Variants in MDH2 observed in about 807,000 individuals in gnomAD.
MDH2 encodes malate dehydrogenase, mitochondrial.
A neutral mutation model predicts 33.6 loss-of-function variants in MDH2; 25 were observed. The observed-to-expected ratio is 0.74, with a 90% confidence interval of 0.54 to 1.04. The LOEUF (loss-of-function observed/expected upper bound fraction) is 1.04. MDH2 is among the 50% of genes least tolerant of loss of function. The pLI is 0.00. For missense variants in MDH2, 432 were observed against 445.0 expected (o/e 0.97, Z 0.26); for synonymous variants, 193 against 188.7 (o/e 1.02, Z -0.19).
chr7:76,048,139 C>T lies in MDH2; in HGVS notation c.-22C>T, dbSNP rs377064742. ...GTCACCAGCTCCTGTGCCTGCCAGT[C>T]GGTGCCCCTCCCGCTCCAGCCATGC... On this transcript the variant is annotated 5_prime_UTR_variant, in exon 1 of 9. Transcript: ENST00000315758. 2.0e-6 allele frequency: 3 copies of T among 1,536,440 alleles called. No homozygotes were observed. Among genetic ancestry groups the T allele is most frequent in the Admixed American group, 2.0e-5 (1 of 51,076 alleles).
chr7:76,057,435 T>C lies in MDH2; in HGVS notation c.261T>C (p.Pro87=), dbSNP rs782091400. 5 of 1,614,194 alleles carry C rather than the reference T, an allele frequency of 3.1e-6. No homozygotes were observed. In the South Asian group the frequency reaches 4.4e-5, roughly 14 times the overall value. The change falls in exon 3 of 9, where the codon CCT becomes CCC. Residue 87 remains proline (P), a synonymous_variant. Transcript: ENST00000315758. The part of the protein sequence containing the change: ...VKGYLGPEQL[P]DCLKGCDVVV... ...GCTACCTCGGACCTGAACAGCTGCCTGACTGCCTGAAAGGTTGTGATGTGG... is the reference window on the plus strand; with the variant it reads ...GCTACCTCGGACCTGAACAGCTGCCCGACTGCCTGAAAGGTTGTGATGTGG...
chr7:76,058,202 T>C, intron 4 of MDH2, 124 bp downstream of exon 4: 1 of 854,070 alleles, frequency 1.2e-6, no homozygotes, highest in Non-Finnish European at 1.8e-6. Context: ...GATACACAGA[T>C]GAAGGGGCTG....
chr7:76,058,291 G>A (rs970907621), intron 4 of MDH2: 5 of 551,534 alleles, frequency 9.1e-6, no homozygotes, highest in African/African-American at 7.5e-5. Flanking sequence ...AACTGAATGA[G>A]GGTTGTCACA....
Position 76,063,710 on chromosome 7 carries a change from G to A in MDH2, c.633+118G>A, listed in dbSNP as rs1217309903. 6.0e-6 allele frequency: 6 copies of A among 1,001,346 alleles called. No individual in the cohort carries two copies. In the African/African-American group the frequency reaches 6.4e-5, roughly 11 times the overall value. The allele number at this position is 1,001,346 out of a possible 1,614,324, so 62.0% of individuals were successfully genotyped here. A position where few individuals can be genotyped will look rare whatever the true frequency, so the allele number is the denominator to read the frequency against. ...TGGCCACGTGCCAGGTTTTGGAAGG[G>A]CTCCTGTTGTAGGCAGCCCCGCCCC... On this transcript the variant is annotated intron_variant, in intron 6 of 8. Coordinates refer to ENST00000315758, the MANE Select transcript of MDH2 (RefSeq NM_005918.4).
At position 76,066,620 on chromosome 7, in the gene MDH2, G is replaced by T; in HGVS notation, c.*210G>T. The T allele has an allele frequency of 2.0e-6, 1 of 502,812 alleles. No individual in the cohort carries two copies. Among genetic ancestry groups the T allele is most frequent in the Non-Finnish European group, 3.3e-6 (1 of 307,148 alleles). The allele number at this position is 502,812 out of a possible 1,614,324, so 31.1% of individuals were successfully genotyped here. ...TCAAGGTCCCTTCTGTAAATGCTGTGCTTTCTTCCCTGTGAGAGCCAACTT... is the reference window on the plus strand; with the variant it reads ...TCAAGGTCCCTTCTGTAAATGCTGTTCTTTCTTCCCTGTGAGAGCCAACTT... On this transcript the variant is annotated 3_prime_UTR_variant, in exon 9 of 9. Transcript: ENST00000315758.
chr7:76,064,669 A>G, intron 7 of MDH2, 133 bp from the exon 8 acceptor site: 1 of 1,088,780 alleles, frequency 9.2e-7, no homozygotes, highest in African/African-American at 1.6e-5. Flanking sequence ...ATAAGTAACA[A>G]GAAATCGGGG....
At chr7:76,048,979 T>A in intron 1 of MDH2, 1 of 131,472 alleles carries the variant, frequency 7.6e-6, no homozygotes, top group Non-Finnish European at 8.4e-6. Context: ...AGCTTAAGAC[T>A]GCGGGGGGGG....
At chr7:76,055,036 C>A (rs1554586049) in intron 2 of MDH2, 38 bp downstream of exon 2, 4 of 1,558,316 alleles carry the variant, frequency 2.6e-6, no homozygotes, top group Admixed American at 2.0e-5. Flanking sequence ...TGCTTCCTGT[C>A]CCCAGTAGGC....
Position 76,060,466 on chromosome 7 carries a change from G to T in MDH2, c.523G>T (p.Val175Phe). The change falls in exon 5 of 9, where the codon GTC becomes TTC. Residue 175 changes from valine to phenylalanine, a missense_variant. By Grantham distance (50) the Val-to-Phe change is conservative. Transcript: ENST00000315758. ...KIFGVTTLDI[V>F]RANTFVAELK... ...CTTCGGCGTGACGACCCTGGACATC[G>T]TCAGAGCCAACACCTTTGTTGCAGA... The T allele has an allele frequency of 6.2e-7, 1 of 1,614,132 alleles. No individual in the cohort carries two copies. The highest frequency in any genetic ancestry group is 8.5e-7 in the Non-Finnish European group (1 of 1,180,016).
intron 1 of MDH2, among the ~76,000 whole-genome samples, chr7:76,054,325 C>A (rs1554585885): frequency 6.6e-6 from 1 of 152,190 alleles, no homozygotes; most frequent in Non-Finnish European, 1.5e-5. Context: ...GATTCCCCAC[C>A]CCTGCAGGGA....
In MDH2 at chr7:76,066,393, G is replaced by T. The variant is rs140381447; in HGVS notation, c.1000G>T (p.Val334Leu). 3 of 1,611,822 alleles carry T rather than the reference G, an allele frequency of 1.9e-6. No homozygotes were observed. Among genetic ancestry groups the T allele is most frequent in the South Asian group, 1.1e-5 (1 of 90,838 alleles). The change falls in exon 9 of 9, where the codon GTG becomes TTG. Residue 334 changes from valine (V) to leucine (L), a missense_variant. Transcript: ENST00000315758. ...KASIKKGEDFVKTLK is the reference protein window; with the variant it reads ...KASIKKGEDFLKTLK Reference sequence around the variant, plus strand: ...CTCCATCAAGAAGGGGGAAGATTTCGTGAAGACCCTGAAGTGAGCCGCTGT... The same window carrying T: ...CTCCATCAAGAAGGGGGAAGATTTCTTGAAGACCCTGAAGTGAGCCGCTGT...
At chr7:76,048,396 G>C in intron 1 of MDH2, 170 bp downstream of exon 1, 1 of 1,164,450 alleles carries the variant, frequency 8.6e-7, no homozygotes, top group East Asian at 2.9e-5. Context: ...TGGCCTGGAG[G>C]TGCGGGGGAG....
In MDH2 at chr7:76,060,359, G is replaced by A. The variant is rs1797910602; in HGVS notation, c.430-14G>A. 1.2e-6 allele frequency: 2 copies of A among 1,613,560 alleles called. No individual in the cohort carries two copies. Among genetic ancestry groups the A allele is most frequent in the African/African-American group, 2.7e-5 (2 of 74,908 alleles). ...AACCCAGGGCAAGCCATGCCTGTCT[G>A]TTGGATGTCCTAGGTTAATTCCACC... On this transcript the variant is annotated splice_polypyrimidine_tract_variant and intron_variant, in intron 4 of 8. Transcript: ENST00000315758.
chr7:76,048,182 C>G lies in MDH2; in HGVS notation c.22C>G (p.Pro8Ala), dbSNP rs977422153. 3.5e-5 allele frequency: 54 copies of G among 1,536,612 alleles called. No individual in the cohort carries two copies. Among genetic ancestry groups the G allele is most frequent in the Non-Finnish European group, 4.6e-5 (53 of 1,146,768 alleles). The change falls in exon 1 of 9, where the codon CCT becomes GCT. Residue 8 changes from proline to alanine, a missense_variant. Coordinates refer to ENST00000315758, the MANE Select transcript of MDH2 (RefSeq NM_005918.4). MLSALAR[P>A]ASAALRRSFS... ...AGCCATGCTCTCCGCCCTCGCCCGG[C>G]CTGCCAGCGCTGCTCTCCGCCGCAG...
In MDH2 at chr7:76,054,950, G is replaced by A. The variant is rs1797725670; in HGVS notation, c.187G>A (p.Gly63Arg). The A allele has an allele frequency of 4.3e-6, 7 of 1,613,902 alleles. No homozygotes were observed. The highest frequency in any genetic ancestry group is 5.1e-6 in the Non-Finnish European group (6 of 1,180,012). The change falls in exon 2 of 9, where the codon GGA becomes AGA. Residue 63 changes from glycine to arginine, a missense_variant. Coordinates refer to ENST00000315758, the MANE Select transcript of MDH2 (RefSeq NM_005918.4). Reference protein sequence around the residue: ...LTLYDIAHTPGVAADLSHIET... With the variant: ...LTLYDIAHTPRVAADLSHIET... ...CCTCTATGATATCGCGCACACACCC[G>A]GAGTGGCCGCAGATCTGAGCCACAT... is the stretch of plus-strand genomic sequence containing the variant.
At chr7:76,063,142 G>A (rs983321148) in intron 5 of MDH2, among the ~76,000 whole-genome samples, 13 of 152,188 alleles carry the variant, frequency 8.5e-5, no homozygotes, top group Admixed American at 2.6e-4. Flanking sequence ...AGGAGTCTGG[G>A]CTTGTGCATG....
intron 2 of MDH2, among the ~76,000 whole-genome samples, chr7:76,055,715 TGA>T (rs1797753407): frequency 6.8e-6 from 1 of 147,918 alleles, no homozygotes; most frequent in Admixed American, 6.9e-5. Flanking sequence ...TCAGCCTAGG[TGA>T]GATAGTGAGA....
At chr7:76,062,580 T>A (rs1797985264) in intron 5 of MDH2, among the ~76,000 whole-genome samples, 1 of 152,208 alleles carries the variant, frequency 6.6e-6, no homozygotes, top group South Asian at 2.1e-4. Context: ...GGCTGTTCCC[T>A]CGCTACCATT....
intron 5 of MDH2, among the ~76,000 whole-genome samples, chr7:76,063,191 C>G (rs112803132): frequency 6.6e-6 from 1 of 151,904 alleles, no homozygotes; most frequent in Non-Finnish European, 1.5e-5. Flanking sequence ...ATGCCAGGCC[C>G]GGGGGGGGCC....
Sources: gnomAD v4.1 joint callset for allele counts (sites outside exome capture counted in the v4.1 genomes callset) on GRCh38, gnomAD v4.1.1 for gene constraint, MANE v1.5 for transcripts, NCBI Gene and HGNC (gene_info 2026-07-23, HGNC 2026-07-21) for gene names.